Variants in VCAM1 observed in about 807,000 individuals in gnomAD.
VCAM1 encodes the protein vascular cell adhesion molecule 1.
VCAM1 carries 41 observed loss-of-function variants against 63.8 expected under a neutral mutation model. The ratio of observed to expected loss-of-function variants is 0.64; its 90% CI spans 0.50 to 0.83. The LOEUF (loss-of-function observed/expected upper bound fraction) is 0.83. Among genes scored for constraint, VCAM1 ranks in the 40% least tolerant of loss-of-function variants. VCAM1 has a pLI of 0.00. For missense variants in VCAM1, 798 were observed against 875.5 expected, an observed-to-expected ratio of 0.91 and a Z score of 1.12; for synonymous variants, 338 against 320.7, an observed-to-expected ratio of 1.05 and a Z score of -0.58.
rs755932839 is a variant in VCAM1, at chr1:100,723,148, C to A, written c.469C>A (p.His157Asn). The A allele has an allele frequency of 8.1e-6, 13 of 1,612,984 alleles. No homozygotes were observed. The highest frequency in any genetic ancestry group is 1.1e-5 in the Non-Finnish European group (13 of 1,179,464). Residue 157 changes from histidine (H) to asparagine (N), a missense_variant, in exon 3 of 9, where the codon CAT becomes AAT. Physicochemically the swap from His to Asn is moderately conservative, Grantham distance 68. Coordinates refer to ENST00000294728, the MANE Select transcript of VCAM1 (RefSeq NM_001078.4). ...RLEIDLLKGD[H>N]LMKSQEFLED... is the part of the protein sequence containing the mutation. ...GGAGATAGACTTACTGAAAGGAGAT[C>A]ATCTCATGAAGAGTCAGGAATTTCT...
At chr1:100,736,620 G>A (rs1268200410) in intron 8 of VCAM1, 1 of 152,110 alleles carries the variant, frequency 6.6e-6, no homozygotes, top group East Asian at 1.9e-4. Flanking sequence ...AATAGAAATA[G>A]TATTTCTGTT....
At position 100,730,636 on chromosome 1, in the gene VCAM1, A is replaced by G. The variant is rs923480665; in HGVS notation, c.1205-562A>G. Among the ~76,000 whole-genome samples, 3 of 152,118 alleles carry G rather than the reference A, an allele frequency of 2.0e-5. 1 individual carries two copies. In the South Asian group the frequency reaches 6.2e-4, roughly 32 times the overall value. On this transcript the variant is annotated intron_variant, in intron 5 of 8. Coordinates refer to ENST00000294728, the MANE Select transcript of VCAM1 (RefSeq NM_001078.4). The stretch of plus-strand genomic sequence containing the variant: ...GAGACTGCACAGCTCTGTAAAACCA[A>G]AGCTGGGCTCTGAGGTCAGAGAAAT...
chr1:100,723,969 G>T (rs1394431010), intron 3 of VCAM1, among the ~76,000 whole-genome samples: 1 of 152,042 alleles, frequency 6.6e-6, no homozygotes, highest in Non-Finnish European at 1.5e-5. Context: ...TTTAAAGGGA[G>T]TATTGCCAAC....
intron 8 of VCAM1, among the ~76,000 whole-genome samples, 174 bp downstream of exon 8, chr1:100,734,942 G>T (rs1660597425): frequency 6.6e-6 from 1 of 152,140 alleles, no homozygotes; most frequent in Non-Finnish European, 1.5e-5. Flanking sequence ...TAGCCAGGAA[G>T]TTGACATTAA....
Position 100,720,680 on chromosome 1 carries a change from A to G in VCAM1, c.269A>G (p.Glu90Gly), listed in dbSNP as rs1198531570. ...LTMNPVSFGN[E>G]HSYLCTATCE... ...ATGAATCCTGTTAGTTTTGGGAACG[A>G]ACACTCTTACCTGTGCACAGCAACT... The change falls in exon 2 of 9, where the codon GAA (glutamate) becomes GGA (glycine). Residue 90 changes from glutamate to glycine, a missense_variant. Glu to Gly is a moderately conservative substitution (Grantham distance 98). Coordinates refer to ENST00000294728, the MANE Select transcript of VCAM1 (RefSeq NM_001078.4). 1.9e-6 allele frequency: 3 copies of G among 1,613,294 alleles called. No individual in the cohort carries two copies. The highest frequency in any genetic ancestry group is 2.5e-6 in the Non-Finnish European group (3 of 1,179,502).
chr1:100,732,481 T>C lies in VCAM1; in HGVS notation c.1589T>C (p.Val530Ala). Residue 530 changes from valine to alanine, a missense_variant, in exon 7 of 9, where the codon GTG becomes GCG. Transcript: ENST00000294728. ...PSSILEEGSSVNMTCLSQGFP... is the reference protein window; with the variant it reads ...PSSILEEGSSANMTCLSQGFP... Reference sequence around the variant, plus strand: ...TCCATCCTGGAGGAAGGCAGTTCTGTGAATATGACATGCTTGAGCCAGGGC... The same window carrying C: ...TCCATCCTGGAGGAAGGCAGTTCTGCGAATATGACATGCTTGAGCCAGGGC... The C allele has an allele frequency of 1.2e-6, 2 of 1,612,278 alleles. No individual in the cohort carries two copies. The highest frequency in any genetic ancestry group is 8.5e-7 in the Non-Finnish European group (1 of 1,179,300).
chr1:100,728,349 A>G (rs948697010), intron 4 of VCAM1, among the ~76,000 whole-genome samples: 1 of 152,072 alleles, frequency 6.6e-6, no homozygotes, highest in Non-Finnish European at 1.5e-5. Flanking sequence ...TTTCAGTGGT[A>G]TAACTGTATT....
At chr1:100,723,858 C>T (rs896603822) in intron 3 of VCAM1, among the ~76,000 whole-genome samples, 1 of 151,978 alleles carries the variant, frequency 6.6e-6, no homozygotes, top group African/African-American at 2.4e-5. Context: ...CTGATACTGC[C>T]AGGGGATTTG....
intron 4 of VCAM1, among the ~76,000 whole-genome samples, chr1:100,725,513 T>A (rs1348811585): frequency 6.6e-6 from 1 of 152,028 alleles, no homozygotes; most frequent in Admixed American, 6.6e-5. Flanking sequence ...GAGAGTGGAA[T>A]CTCCCAGAGA....
rs1378178406 is a variant in VCAM1 at position 100,720,473 on chromosome 1, C to T, written c.65-3C>T. The T allele has an allele frequency of 3.1e-6, 5 of 1,594,898 alleles. No individual in the cohort carries two copies. The Admixed American group carries it at 5.3e-5, about 17-fold the overall frequency. On this transcript the variant is annotated splice_region_variant and splice_polypyrimidine_tract_variant and intron_variant, in intron 1 of 8. Transcript: ENST00000294728. The stretch of plus-strand genomic sequence containing the variant: ...TTGCTTCTGTCTTTTTTTGCTTTTG[C>T]AGCTCAAGCTTTTAAAATCGAGACC...
At chr1:100,729,679 C>T (rs1652219968) in intron 5 of VCAM1, among the ~76,000 whole-genome samples, 1 of 151,994 alleles carries the variant, frequency 6.6e-6, no homozygotes, top group Non-Finnish European at 1.5e-5. Flanking sequence ...GGGTCAGTGC[C>T]CATTCAGAGG....
chr1:100,736,324 AC>A (rs2100836427), intron 8 of VCAM1: 1 of 152,304 alleles, frequency 6.6e-6, no homozygotes, highest in African/African-American at 2.4e-5. Context: ...TTTAATGAAG[AC>A]CAAAAAATGG....
chr1:100,729,119 C>G lies in VCAM1; in HGVS notation c.941C>G (p.Thr314Ser). The G allele has an allele frequency of 6.5e-7, 1 of 1,543,464 alleles. No homozygotes were observed. Among genetic ancestry groups the G allele is most frequent in the East Asian group, 2.3e-5 (1 of 43,532 alleles). The stretch of plus-strand genomic sequence containing the variant: ...ACCTGTGTCCCAGAGAAACCATTTA[C>G]TGTTGAGATCTCCCCTGGACCCCGG... ...VELIVQEKPF[T>S]VEISPGPRIA... The change falls in exon 5 of 9, where the codon ACT (threonine) becomes AGT (serine). Residue 314 changes from threonine to serine, a missense_variant. Coordinates refer to ENST00000294728, the MANE Select transcript of VCAM1 (RefSeq NM_001078.4).
intron 2 of VCAM1, among the ~76,000 whole-genome samples, chr1:100,721,112 A>G (rs1310906705): frequency 6.6e-6 from 1 of 152,082 alleles, no homozygotes; most frequent in Non-Finnish European, 1.5e-5. Context: ...TGTCTGATTG[A>G]TTTATGAATT....
In VCAM1 at chr1:100,723,012, C is replaced by A. The variant is rs748182800; in HGVS notation, c.341-8C>A. 1.2e-6 allele frequency: 2 copies of A among 1,602,844 alleles called. No individual in the cohort carries two copies. The highest frequency in any genetic ancestry group is 1.7e-5 in the Admixed American group (1 of 59,128). On this transcript the variant is annotated splice_polypyrimidine_tract_variant and splice_region_variant and intron_variant, in intron 2 of 8. Coordinates refer to ENST00000294728, the MANE Select transcript of VCAM1 (RefSeq NM_001078.4). ...AAGCCCATCCATGTATTTGTTTGGC[C>A]TTTTCAGCTTTTCCTAAGGATCCAG...
At chr1:100,738,036 T>C in intron 8 of VCAM1, 87 bp from the exon 9 acceptor site, 1 of 1,413,966 alleles carries the variant, frequency 7.1e-7, no homozygotes, top group Non-Finnish European at 9.7e-7. Context: ...GAACTAGTTG[T>C]ACTGTTATAA....
At chr1:100,732,814 A>G in intron 7 of VCAM1, 130 bp downstream of exon 7, 1 of 985,784 alleles carries the variant, frequency 1.0e-6, no homozygotes, top group Non-Finnish European at 1.4e-6. Context: ...AGAGTTTATG[A>G]TGTTTCCAAT....
chr1:100,727,722 G>A (rs890103460), intron 4 of VCAM1, among the ~76,000 whole-genome samples: 1 of 152,086 alleles, frequency 6.6e-6, no homozygotes, highest in African/African-American at 2.4e-5. Flanking sequence ...CAGACAGGCA[G>A]TCGATCTGTT....
intron 5 of VCAM1, among the ~76,000 whole-genome samples, chr1:100,730,778 C>A (rs1279285941): frequency 6.6e-6 from 1 of 152,040 alleles, no homozygotes; most frequent in Non-Finnish European, 1.5e-5. Flanking sequence ...TTTTACACAG[C>A]TGCTTTGAAG....
Sources: gnomAD v4.1 joint callset for allele counts (sites outside exome capture counted in the v4.1 genomes callset) on GRCh38, gnomAD v4.1.1 for gene constraint, MANE v1.5 for transcripts, NCBI Gene and HGNC (gene_info 2026-07-23, HGNC 2026-07-21) for gene names.